APC: variants seen among roughly 807,000 people sequenced by gnomAD.
APC encodes the protein adenomatous polyposis coli protein.
In APC, 72 loss-of-function variants were observed where a neutral mutation model predicts 247.0. That is an observed-to-expected ratio of 0.29 (90% confidence interval 0.24 to 0.35). The LOEUF (loss-of-function observed/expected upper bound fraction) is 0.35. Among genes scored for constraint, APC ranks in the 10% least tolerant of loss-of-function variants. The pLI, the probability that APC is intolerant of heterozygous loss-of-function variation, is 1.00. For synonymous variants in APC, 1,254 were observed against 1,162.5 expected (o/e 1.08, Z -1.60); for missense variants, 3,400 against 3,360.7 (o/e 1.01, Z -0.29).
intron 4 of APC, among the ~76,000 whole-genome samples, chr5:112,773,519 C>T (rs1215861276): frequency 6.6e-6 from 1 of 152,158 alleles, no homozygotes; most frequent in Non-Finnish European, 1.5e-5. Context: ...TACTGATTGC[C>T]TGTCTATTGA....
At chr5:112,784,932 A>T (rs1373683002) in intron 6 of APC, among the ~76,000 whole-genome samples, 1 of 152,154 alleles carries the variant, frequency 6.6e-6, no homozygotes, top group Non-Finnish European at 1.5e-5. Flanking sequence ...GTGTTGGCAC[A>T]CAACTGTAAT....
intron 2 of APC, among the ~76,000 whole-genome samples, chr5:112,763,239 A>C (rs918604794): frequency 3.9e-5 from 6 of 152,098 alleles, no homozygotes; most frequent in Admixed American, 6.5e-5. Context: ...ATCAAAATCA[A>C]CTATTTTTTT....
upstream of APC, chr5:112,737,803 C>A (rs377003642): frequency 1.0e-6 from 1 of 977,028 alleles, no homozygotes; most frequent in African/African-American, 1.8e-5. Flanking sequence ...GCTCCCCATT[C>A]CCGTCGGGAG....
chr5:112,755,581 C>T (rs372187352), intron 2 of APC, among the ~76,000 whole-genome samples: 27 of 152,298 alleles, frequency 1.8e-4, no homozygotes, highest in African/African-American at 6.5e-4. Context: ...CAAGTACAGG[C>T]ATCACACTAG....
rs730881252 is a variant in APC, at chr5:112,840,930, T to C, written c.5336T>C (p.Ile1779Thr). ...AAACCAACTTCACCAGTAAAACCTA[T>C]ACCACAAAATACTGAATATAGGACA... is the stretch of plus-strand genomic sequence containing the variant. ...KKKPTSPVKPIPQNTEYRTRV... is the reference protein window; with the variant it reads ...KKKPTSPVKPTPQNTEYRTRV... Residue 1779 changes from isoleucine to threonine, a missense_variant, in exon 16 of 16, where the codon ATA becomes ACA. Physicochemically the swap from Ile to Thr is moderately conservative, Grantham distance 89. Around this residue, in one of 9 missense-constraint regions of APC, gnomAD observed 1,788 missense variants for 1,649.5 expected, o/e 1.08. Transcript: ENST00000257430. The surrounding 1 kb of genome is among the most constrained non-coding windows in gnomAD (Gnocchi z 4.1). 1 of 1,613,770 alleles carries C rather than the reference T, an allele frequency of 6.2e-7. No individual in the cohort carries two copies. Among genetic ancestry groups the C allele is most frequent in the South Asian group, 1.1e-5 (1 of 91,078 alleles).
In APC at chr5:112,827,811, G is replaced by A. The variant is rs1428301395; in HGVS notation, c.1549-118G>A. 6 of 769,218 alleles carry A rather than the reference G, an allele frequency of 7.8e-6. No individual in the cohort carries two copies. The South Asian group carries it at 9.3e-5, about 12-fold the overall frequency. The allele number at this position is 769,218 out of a possible 1,614,324, so 47.6% of individuals were successfully genotyped here. A position where few individuals can be genotyped will look rare whatever the true frequency, so the allele number is the denominator to read the frequency against. ...TTATTCTAGATTTTTTATGAGTGAA[G>A]TATCAGTTATGATTAAAACAAAATA... On this transcript the variant is annotated intron_variant, in intron 12 of 15. Coordinates refer to ENST00000257430, the MANE Select transcript of APC (RefSeq NM_000038.6).
At chr5:112,822,153 T>C (rs1199196520) in intron 11 of APC, among the ~76,000 whole-genome samples, 162 bp downstream of exon 11, 2 of 152,126 alleles carry the variant, frequency 1.3e-5, no homozygotes, top group African/African-American at 4.8e-5. Flanking sequence ...AGCAAAAAAT[T>C]GTACCCTGGT....
chr5:112,739,554 T>C (rs1373006448), intron 1 of APC, among the ~76,000 whole-genome samples: 7 of 152,210 alleles, frequency 4.6e-5, no homozygotes, highest in African/African-American at 7.2e-5. Flanking sequence ...TGATCATGGA[T>C]ATCAGGGTTA....
intron 6 of APC, among the ~76,000 whole-genome samples, chr5:112,784,003 T>A (rs898089089): frequency 2.0e-5 from 3 of 152,154 alleles, no homozygotes; most frequent in Non-Finnish European, 4.4e-5. Flanking sequence ...TAATTTTTGA[T>A]GACATGCAGT....
In APC at chr5:112,801,414, A is replaced by C. The variant is rs767795804; in HGVS notation, c.834+31A>C. ...TAAATTATTTTATCATATTTTTTAA[A>C]ATTATTTAAATATCAGAAAAGTATG... On this transcript the variant is annotated intron_variant, in intron 8 of 15. Coordinates refer to ENST00000257430, the MANE Select transcript of APC (RefSeq NM_000038.6). 45 of 1,428,154 alleles carry C rather than the reference A, an allele frequency of 3.2e-5. 1 individual carries two copies. The South Asian group carries it at 5.4e-4, about 17-fold the overall frequency. The allele number at this position is 1,428,154 out of a possible 1,614,324, so 88.5% of individuals were successfully genotyped here.
chr5:112,740,090 T>A (rs548879590), intron 1 of APC, among the ~76,000 whole-genome samples: 4 of 152,176 alleles, frequency 2.6e-5, no homozygotes, highest in African/African-American at 9.7e-5. Flanking sequence ...AAAAACAGTG[T>A]AAGTCACTGA....
At chr5:112,760,844 C>G (rs369047728) in intron 2 of APC, among the ~76,000 whole-genome samples, 33 of 151,462 alleles carry the variant, frequency 2.2e-4, no homozygotes, top group African/African-American at 6.3e-4. Context: ...GAGTCTCGCT[C>G]TGTCGCCCAG....
chr5:112,786,129 G>T (rs1057211940), intron 6 of APC, among the ~76,000 whole-genome samples: 5 of 152,152 alleles, frequency 3.3e-5, no homozygotes, highest in African/African-American at 4.8e-5. Context: ...GGTTGCCCAG[G>T]CTGTAGTGCA....
rs1289027772 is a variant in APC, at chr5:112,839,079, A to G, written c.3485A>G (p.Tyr1162Cys). ...GAAGAAGAAGAGAGACCAACAAATTATAGCATAAAATATAATGAAGAGAAA... is the reference window on the plus strand; with the variant it reads ...GAAGAAGAAGAGAGACCAACAAATTGTAGCATAAAATATAATGAAGAGAAA... ...QHEEEERPTN[Y>C]SIKYNEEKRH... Residue 1162 changes from tyrosine (Y) to cysteine (C), a missense_variant, in exon 16 of 16, where the codon TAT (tyrosine) becomes TGT (cysteine). Around this residue, in one of 9 missense-constraint regions of APC, gnomAD observed 715 missense variants for 656.6 expected, o/e 1.09. Coordinates refer to ENST00000257430, the MANE Select transcript of APC (RefSeq NM_000038.6). This position sits in a 1 kb window ranked among gnomAD's most constrained non-coding sequence, Gnocchi z 5.0. 1 of 1,614,164 alleles carries G rather than the reference A, an allele frequency of 6.2e-7. No individual in the cohort carries two copies. The highest frequency in any genetic ancestry group is 1.3e-5 in the African/African-American group (1 of 75,080).
rs756214797 is a variant in APC at position 112,766,426 on chromosome 5, G to T, written c.220+16G>T. 11 of 1,571,552 alleles carry T rather than the reference G, an allele frequency of 7.0e-6. No homozygotes were observed. The highest frequency in any genetic ancestry group is 4.5e-5 in the East Asian group (2 of 44,544). On this transcript the variant is annotated intron_variant, in intron 3 of 15. Coordinates refer to ENST00000257430, the MANE Select transcript of APC (RefSeq NM_000038.6). The stretch of plus-strand genomic sequence containing the variant: ...CGTCTTAAAGGTAGATTTTAAAAAG[G>T]TGTTTTAAAATAATTTTTTAAGCTC...
intron 1 of APC, among the ~76,000 whole-genome samples, chr5:112,725,147 A>G (rs1283108096): frequency 6.6e-6 from 1 of 151,752 alleles, no homozygotes; most frequent in African/African-American, 2.4e-5. Flanking sequence ...GCTAATTTGT[A>G]TTTTTAGTAG....
At chr5:112,723,426 C>T (rs1751595443) in intron 1 of APC, among the ~76,000 whole-genome samples, 1 of 151,870 alleles carries the variant, frequency 6.6e-6, no homozygotes, top group Non-Finnish European at 1.5e-5. Flanking sequence ...TATGCCACTG[C>T]ACTCCAGCCT....
In APC at chr5:112,775,717, A is replaced by G; in HGVS notation, c.511A>G (p.Ser171Gly). The G allele has an allele frequency of 6.3e-7, 1 of 1,581,356 alleles. No individual in the cohort carries two copies. The highest frequency in any genetic ancestry group is 8.6e-7 in the Non-Finnish European group (1 of 1,160,754). The change falls in exon 5 of 16, where the codon AGT (serine) becomes GGT (glycine). Residue 171 changes from serine (S) to glycine (G), a missense_variant. This residue lies in a region of APC where 372 missense variants were observed against 367.6 expected (regional missense o/e 1.01). Transcript: ENST00000257430. Reference protein sequence around the residue: ...QLQNLTKRIDSLPLTENFSLQ... With the variant: ...QLQNLTKRIDGLPLTENFSLQ... ...TCAGAATCTCACTAAAAGAATAGAT[A>G]GTCTTCCTTTAACTGAAAATGTAAG...
At chr5:112,711,656 G>T (rs1190234012) in intron 1 of APC, among the ~76,000 whole-genome samples, 1 of 152,192 alleles carries the variant, frequency 6.6e-6, no homozygotes, top group Non-Finnish European at 1.5e-5. Context: ...CGGAGTTCAA[G>T]GCTGCAGTGA....
Sources: gnomAD v4.1 joint callset for allele counts (sites outside exome capture counted in the v4.1 genomes callset) on GRCh38, gnomAD v4.1.1 for gene constraint, gnomAD v4.1.1 regional missense constraint, Gnocchi (gnomAD v3.1) non-coding constraint, MANE v1.5 for transcripts, NCBI Gene and HGNC (gene_info 2026-07-23, HGNC 2026-07-21) for gene names.